The following TNRC18 variants were observed in gnomAD, a reference collection of about 807,000 sequenced individuals.
TNRC18 encodes the protein trinucleotide repeat containing 18, also known as trinucleotide repeat-containing gene 18 protein.
TNRC18 carries 69 observed loss-of-function variants against 226.7 expected under a neutral mutation model. That is an observed-to-expected ratio of 0.30 (90% CI 0.25 to 0.37). The LOEUF is 0.37. TNRC18 is among the 10% of genes least tolerant of loss of function. The probability of loss-of-function intolerance (pLI) is 1.00; values close to 1 mark genes in which losing one functional copy is unlikely to be tolerated. For missense variants in TNRC18, 4,754 were observed against 4,256.6 expected, an observed-to-expected ratio of 1.12 and a Z score of -3.25; for synonymous variants, 2,449 against 1,927.6, an observed-to-expected ratio of 1.27 and a Z score of -7.09.
intron 2 of TNRC18, among the ~76,000 whole-genome samples, chr7:5,403,720 G>T (rs961870236): frequency 2.0e-5 from 3 of 151,650 alleles, no homozygotes; most frequent in Admixed American, 6.6e-5. Context: ...TTGAGCCCAG[G>T]AATTAGAGGC....
chr7:5,356,794 C>CAGAGAGAGAGCGAGAGCG, intron 16 of TNRC18, 122 bp downstream of exon 16: 3 of 1,366,532 alleles, frequency 2.2e-6, no homozygotes, highest in Middle Eastern at 2.7e-4. Context: ...TAGTGCGCCC[C>CAGAGAGAGAGCGAGAGCG]AGAGAGAGAG....
intron 9 of TNRC18, among the ~76,000 whole-genome samples, 200 bp downstream of exon 9, chr7:5,375,834 C>G (rs1001919999): frequency 6.6e-6 from 1 of 152,212 alleles, no homozygotes; most frequent in Admixed American, 6.5e-5. Flanking sequence ...TCACAGCTCC[C>G]TCCGCCTGGA....
intron 19 of TNRC18, among the ~76,000 whole-genome samples, chr7:5,328,693 G>C (rs965354786): frequency 1.3e-5 from 2 of 151,900 alleles, no homozygotes; most frequent in African/African-American, 4.8e-5. Context: ...TATTTTTTTA[G>C]TAGAGGCGGG....
chr7:5,328,203 A>T (rs1211325709), intron 19 of TNRC18, among the ~76,000 whole-genome samples: 1 of 150,766 alleles, frequency 6.6e-6, no homozygotes, highest in Non-Finnish European at 1.5e-5. Context: ...GGGCCACAAG[A>T]GTGAGACTCT....
intron 1 of TNRC18, chr7:5,423,072 G>GC (rs989555156): frequency 2.0e-5 from 3 of 152,230 alleles, no homozygotes; most frequent in Admixed American, 1.3e-4. Flanking sequence ...CCTCTTAAAT[G>GC]GAGTTAAAAT....
intron 18 of TNRC18, among the ~76,000 whole-genome samples, chr7:5,336,429 A>G (rs1286090030): frequency 6.6e-6 from 1 of 152,154 alleles, no homozygotes; most frequent in African/African-American, 2.4e-5. Flanking sequence ...ACAACAGAAA[A>G]GAACCAAATG....
intron 29 of TNRC18, 118 bp downstream of exon 29, chr7:5,308,757 G>C: frequency 8.8e-7 from 1 of 1,134,272 alleles, no homozygotes; most frequent in Non-Finnish European, 1.3e-6. Flanking sequence ...CAGGAGGTCA[G>C]AGGCTGAGGG....
intron 19 of TNRC18, among the ~76,000 whole-genome samples, chr7:5,328,326 C>A (rs1382809377): frequency 1.3e-5 from 2 of 152,080 alleles, no homozygotes; most frequent in Non-Finnish European, 2.9e-5. Flanking sequence ...AGTTCAAGAC[C>A]ATCCTGGGCA....
chr7:5,377,336 C>CCAA lies in TNRC18; in HGVS notation c.2461+34_2461+35insTTG. 3.5e-6 allele frequency: 4 copies of CCAA among 1,156,870 alleles called. No individual in the cohort carries two copies. Among genetic ancestry groups the CCAA allele is most frequent in the Non-Finnish European group, 4.9e-6 (4 of 824,242 alleles). The allele number at this position is 1,156,870 out of a possible 1,614,324, so 71.7% of individuals were successfully genotyped here. On this transcript the variant is annotated intron_variant, in intron 7 of 29. Coordinates refer to ENST00000430969, the MANE Select transcript of TNRC18 (RefSeq NM_001080495.3). This position sits in a 1 kb window ranked among gnomAD's most constrained non-coding sequence, Gnocchi z 5.8. ...CACCCGCCCCCTCCCACCCCTCCCTCAGAGAAGGGGAGAGACCCTGTGCCC... is the reference window on the plus strand; with the variant it reads ...CACCCGCCCCCTCCCACCCCTCCCTCCAAAGAGAAGGGGAGAGACCCTGTGCCC...
chr7:5,423,163 G>C (rs944006313), intron 1 of TNRC18: 1 of 152,276 alleles, frequency 6.6e-6, no homozygotes, highest in Non-Finnish European at 1.5e-5. Context: ...CGCCTGCTGG[G>C]AACCGAGAGA....
chr7:5,347,526 G>C (rs535247616), intron 17 of TNRC18, among the ~76,000 whole-genome samples: 1 of 151,958 alleles, frequency 6.6e-6, no homozygotes, highest in East Asian at 1.9e-4. Flanking sequence ...TTAGCCAGGC[G>C]TGGTGGCTTA....
chr7:5,310,933 CGTGTGTGCACGTGTTT>C (rs1207836673), intron 27 of TNRC18, among the ~76,000 whole-genome samples: 131 of 152,110 alleles, frequency 8.6e-4, no homozygotes, highest in African/African-American at 3.0e-3. Flanking sequence ...TGCACGTGTT[CGTGTGTGCACGTGTTT>C]GTGTGTGTGC....
In TNRC18 at chr7:5,388,975, C is replaced by A; in HGVS notation, c.849G>T (p.Met283Ile). 7.2e-7 allele frequency: 1 copy of A among 1,393,834 alleles called. No homozygotes were observed. Among genetic ancestry groups the A allele is most frequent in the Non-Finnish European group, 9.4e-7 (1 of 1,068,464 alleles). The allele number at this position is 1,393,834 out of a possible 1,614,324, so 86.3% of individuals were successfully genotyped here. The change falls in exon 5 of 30, where the codon ATG (methionine) becomes ATT (isoleucine). Residue 283 changes from methionine (M) to isoleucine (I), a missense_variant. By Grantham distance (10) the Met-to-Ile change is conservative. Coordinates refer to ENST00000430969, the MANE Select transcript of TNRC18 (RefSeq NM_001080495.3). The part of the protein sequence containing the change: ...NAALQPSVLT[M>I]CNGGAGDVGL... The stretch of plus-strand genomic sequence containing the variant: ...CCACGTCCCCGGCGCCGCCGTTGCA[C>A]ATGGTCAGTACCGACGGCTGCAGCG...
chr7:5,359,729 G>T lies in TNRC18; in HGVS notation c.4662-160C>A, dbSNP rs148546389. Reference sequence around the variant, plus strand: ...GAGATGGATCTTGTAAAACAACAGTGCTGGAATTCTGGGATATTTGTGAAT... The same window carrying T: ...GAGATGGATCTTGTAAAACAACAGTTCTGGAATTCTGGGATATTTGTGAAT... On this transcript the variant is annotated intron_variant, in intron 14 of 29. Transcript: ENST00000430969. Among the ~76,000 whole-genome samples, 209 of 152,262 alleles carry T rather than the reference G, an allele frequency of 1.4e-3. 2 individuals carry two copies. Among genetic ancestry groups the T allele is most frequent in the African/African-American group, 4.8e-3 (198 of 41,536 alleles).
In TNRC18 at chr7:5,374,156, G is replaced by A. The variant is rs775639607; in HGVS notation, c.3128C>T (p.Pro1043Leu). 1.5e-5 allele frequency: 23 copies of A among 1,507,608 alleles called. No homozygotes were observed. The highest frequency in any genetic ancestry group is 6.6e-5 in the South Asian group (5 of 75,898). 93.4% of individuals were successfully genotyped at this position (1,507,608 alleles called of 1,614,324 possible). The change falls in exon 10 of 30, where the codon CCG (proline) becomes CTG (leucine). Residue 1043 changes from proline to leucine, a missense_variant. Pro to Leu is a moderately conservative substitution (Grantham distance 98). Transcript: ENST00000430969. ...SPPPASPPPT[P>L]GITRKEEAPE... ...AGCCTCCTCCTTGCGGGTGATACCC[G>A]GGGTGGGCGGTGGGGAGGCGGGCGG...
intron 17 of TNRC18, among the ~76,000 whole-genome samples, chr7:5,350,116 G>A (rs567315491): frequency 8.5e-4 from 130 of 152,254 alleles, no homozygotes; most frequent in African/African-American, 3.0e-3. Flanking sequence ...CAGCCCATGG[G>A]GGAGATGGGG....
chr7:5,335,605 G>T (rs76308555), intron 18 of TNRC18, among the ~76,000 whole-genome samples: 1 of 126,814 alleles, frequency 7.9e-6, no homozygotes, highest in Non-Finnish European at 1.6e-5. Flanking sequence ...ACTCCGTCTA[G>T]AAAAAAAAAA....
chr7:5,306,904 A>G lies in TNRC18; in HGVS notation c.*1202T>C, dbSNP rs1460699512. ...AAAAAAAAAACCAATAATTCCCCCA[A>G]AAAACAAACCCAAAGTCTGGCTTTT... is the stretch of plus-strand genomic sequence containing the variant. On this transcript the variant is annotated 3_prime_UTR_variant, in exon 30 of 30. Coordinates refer to ENST00000430969, the MANE Select transcript of TNRC18 (RefSeq NM_001080495.3). 2 of 151,298 alleles carry G rather than the reference A, an allele frequency of 1.3e-5. No homozygotes were observed. Among genetic ancestry groups the G allele is most frequent in the African/African-American group, 2.4e-5 (1 of 41,130 alleles). 9.4% of individuals were successfully genotyped at this position (151,298 alleles called of 1,614,324 possible).
chr7:5,400,543 T>C (rs1781013224), intron 2 of TNRC18, among the ~76,000 whole-genome samples: 5 of 151,776 alleles, frequency 3.3e-5, no homozygotes, highest in Non-Finnish European at 1.5e-5. Context: ...ACCTAGGAGG[T>C]GGAAGGTGCA....
Sources: gnomAD v4.1 joint callset for allele counts (sites outside exome capture counted in the v4.1 genomes callset) on GRCh38, gnomAD v4.1.1 for gene constraint, Gnocchi (gnomAD v3.1) non-coding constraint, MANE v1.5 for transcripts, NCBI Gene and HGNC (gene_info 2026-07-23, HGNC 2026-07-21) for gene names.